ATL3: variants seen among roughly 807,000 people sequenced by gnomAD.
ATL3 encodes the protein atlastin-3.
In ATL3, 49 loss-of-function variants were observed where a neutral mutation model predicts 69.5. The observed-to-expected ratio is 0.71, with a 90% CI of 0.56 to 0.89. ATL3 has a LOEUF of 0.89. Among genes scored for constraint, ATL3 ranks in the 40% least tolerant of loss-of-function variants. ATL3 has a pLI of 0.00. For missense variants in ATL3, 606 were observed against 645.7 expected, an observed-to-expected ratio of 0.94 and a Z score of 0.67; for synonymous variants, 214 against 224.1, an observed-to-expected ratio of 0.95 and a Z score of 0.40.
In ATL3 at chr11:63,637,974, T is replaced by C. The variant is rs115951927; in HGVS notation, c.851-1640A>G. Reference sequence around the variant, plus strand: ...AGACTTTTCACTGAGTACTTTTTAATCCTTTTTAAAATTTTAAACATGTGA... The same window carrying C: ...AGACTTTTCACTGAGTACTTTTTAACCCTTTTTAAAATTTTAAACATGTGA... On this transcript the variant is annotated intron_variant, in intron 8 of 12. Coordinates refer to ENST00000398868, the MANE Select transcript of ATL3 (RefSeq NM_015459.5). Among the ~76,000 whole-genome samples the C allele has an allele frequency of 8.7e-3, 1,327 of 152,302 alleles. 17 individuals carry two copies. The highest frequency in any genetic ancestry group is 0.03 in the African/African-American group (1,256 of 41,560).
At chr11:63,671,706 C>T (rs902840009), upstream of ATL3, 24 of 1,295,094 alleles carry the variant, frequency 1.9e-5, no homozygotes, top group South Asian at 2.6e-5. Context: ...TCCCGGCCAG[C>T]GGTCCTCATA....
intron 1 of ATL3, among the ~76,000 whole-genome samples, chr11:63,670,160 C>T (rs1470777410): frequency 6.6e-6 from 1 of 152,074 alleles, no homozygotes; most frequent in East Asian, 1.9e-4. Flanking sequence ...AGATCCTTCT[C>T]AGCCAAGTGT....
intron 6 of ATL3, among the ~76,000 whole-genome samples, chr11:63,644,725 A>C (rs1180604187): frequency 6.6e-6 from 1 of 152,170 alleles, no homozygotes; most frequent in Non-Finnish European, 1.5e-5. Context: ...TAGAAGTTTT[A>C]CAAACACTGG....
Position 63,625,818 on chromosome 11 carries a change from C to T in ATL3, c.*3501G>A, listed in dbSNP as rs547944329. 3 of 151,986 alleles carry T rather than the reference C, an allele frequency of 2.0e-5. No individual in the cohort carries two copies. Among genetic ancestry groups the T allele is most frequent in the South Asian group, 2.1e-4 (1 of 4,808 alleles). The allele number at this position is 151,986 out of a possible 1,614,324, so 9.4% of individuals were successfully genotyped here. On this transcript the variant is annotated 3_prime_UTR_variant, in exon 13 of 13. Coordinates refer to ENST00000398868, the MANE Select transcript of ATL3 (RefSeq NM_015459.5). ...TCAACATGGCGAAGCCCTGTCTCTA[C>T]TAAAAATACAAAAATAAGCCGGGTG...
Position 63,626,554 on chromosome 11 carries a change from C to G in ATL3, c.*2765G>C, listed in dbSNP as rs1939119399. 6.6e-6 allele frequency: 1 copy of G among 152,048 alleles called. No individual in the cohort carries two copies. Among genetic ancestry groups the G allele is most frequent in the African/African-American group, 2.4e-5 (1 of 41,406 alleles). 9.4% of individuals were successfully genotyped at this position (152,048 alleles called of 1,614,324 possible). On this transcript the variant is annotated 3_prime_UTR_variant, in exon 13 of 13. Transcript: ENST00000398868. ...CATTGAAATTATTTTTTCAAATTAT[C>G]AACACTTAATTTATCCTGAAATATT...
chr11:63,654,603 G>A (rs1307643225), intron 3 of ATL3, among the ~76,000 whole-genome samples: 1 of 149,460 alleles, frequency 6.7e-6, no homozygotes, highest in Non-Finnish European at 1.5e-5. Context: ...TCACCACGTT[G>A]GTCAGACTCG....
At chr11:63,629,721 AT>A (rs1283734884) in intron 12 of ATL3, among the ~76,000 whole-genome samples, 1 of 152,206 alleles carries the variant, frequency 6.6e-6, no homozygotes, top group African/African-American at 2.4e-5. Context: ...GACCATGTCA[AT>A]GTCCAAGAGC....
At chr11:63,635,712 A>C in intron 9 of ATL3, 122 bp from the exon 10 acceptor site, 2 of 727,940 alleles carry the variant, frequency 2.7e-6, no homozygotes, top group South Asian at 3.7e-5. Context: ...ACAACCAGGA[A>C]TTAGCAAAAA....
At chr11:63,669,291 T>C (rs1352264871) in intron 1 of ATL3, among the ~76,000 whole-genome samples, 1 of 151,872 alleles carries the variant, frequency 6.6e-6, no homozygotes, top group East Asian at 1.9e-4. Context: ...TCCCAGCACT[T>C]TGGGAGGCCG....
chr11:63,641,016 T>C lies in ATL3; in HGVS notation c.850+2341A>G, dbSNP rs1481640456. ...GAATTCTGATGCTGCCACGTTACAA[T>C]TCATAAAGATGATCATTTATTACCA... On this transcript the variant is annotated intron_variant, in intron 8 of 12. Coordinates refer to ENST00000398868, the MANE Select transcript of ATL3 (RefSeq NM_015459.5). Among the ~76,000 whole-genome samples the C allele has an allele frequency of 2.0e-5, 3 of 152,198 alleles. No homozygotes were observed. In the East Asian group the frequency reaches 5.8e-4, roughly 29 times the overall value.
At chr11:63,632,279 G>T in intron 11 of ATL3, 1 of 759,110 alleles carries the variant, frequency 1.3e-6, no homozygotes, top group Non-Finnish European at 2.5e-6. Flanking sequence ...ATTCAGTATG[G>T]CTGTATAGCT....
Position 63,667,360 on chromosome 11 carries a change from T to G in ATL3, c.46+3930A>C, listed in dbSNP as rs149027517. ...TTTTTTTTTTTTTGAGACAGATTCT[T>G]GCTCTGTCGCCCAGGCTGGTGAGCA... On this transcript the variant is annotated intron_variant, in intron 1 of 12. Transcript: ENST00000398868. Among the ~76,000 whole-genome samples, 485 of 152,120 alleles carry G rather than the reference T, an allele frequency of 3.2e-3. 3 individuals carry two copies. The highest frequency in any genetic ancestry group is 0.011 in the African/African-American group (460 of 41,516).
chr11:63,650,580 C>T (rs1467563615), intron 5 of ATL3: 1 of 152,160 alleles, frequency 6.6e-6, no homozygotes, highest in African/African-American at 2.4e-5. Context: ...TACCAACAGC[C>T]TTGTCATGTG....
intron 3 of ATL3, among the ~76,000 whole-genome samples, chr11:63,653,339 C>T (rs1243749462): frequency 6.6e-6 from 1 of 152,042 alleles, no homozygotes; most frequent in South Asian, 2.1e-4. Context: ...GTGGTGCACA[C>T]CTGTAGTCCC....
chr11:63,652,083 A>T, intron 4 of ATL3, 97 bp from the exon 5 acceptor site: 1 of 1,503,644 alleles, frequency 6.7e-7, no homozygotes, highest in South Asian at 1.3e-5. Context: ...ACAATTAAAG[A>T]CTTGCATATA....
Position 63,659,176 on chromosome 11 carries a change from T to C in ATL3, c.123A>G (p.Leu41=), listed in dbSNP as rs762887480. 1.7e-5 allele frequency: 28 copies of C among 1,614,214 alleles called. No individual in the cohort carries two copies. Among genetic ancestry groups the C allele is most frequent in the Non-Finnish European group, 2.4e-5 (28 of 1,180,038 alleles). Residue 41 remains leucine, a synonymous_variant, in exon 2 of 13, where the codon CTA becomes CTG. Transcript: ENST00000398868. ...LVQKDQHSFE[L]DEKALASILL... ...GGATGCTGGCCAAGGCTTTCTCATC[T>C]AGCTCAAAGGAATGTTGATCTTTCT...
intron 7 of ATL3, 32 bp from the exon 8 acceptor site, chr11:63,643,527 A>C (rs1939769216): frequency 3.8e-6 from 6 of 1,589,474 alleles, no homozygotes; most frequent in Non-Finnish European, 5.1e-6. Flanking sequence ...TTACCAACCA[A>C]AAGTCATTTG....
chr11:63,671,429 G>A (rs1319062866), upstream of ATL3: 1 of 1,512,414 alleles, frequency 6.6e-7, no homozygotes, highest in Non-Finnish European at 8.8e-7. Context: ...CGGGAAACGG[G>A]CGGAGCCTGG....
chr11:63,631,509 T>G, intron 11 of ATL3, 38 bp from the exon 12 acceptor site: 2 of 1,514,144 alleles, frequency 1.3e-6, no homozygotes, highest in Non-Finnish European at 1.8e-6. Context: ...AAAAGATCTC[T>G]TCAAAAACAA....
Sources: gnomAD v4.1 joint callset for allele counts (sites outside exome capture counted in the v4.1 genomes callset) on GRCh38, gnomAD v4.1.1 for gene constraint, MANE v1.5 for transcripts, NCBI Gene and HGNC (gene_info 2026-07-23, HGNC 2026-07-21) for gene names.